Variants in HDAC7 observed in about 807,000 individuals in gnomAD.
The protein encoded by HDAC7 is histone deacetylase 7, also known as histone deacetylase 7A.
In HDAC7, 26 loss-of-function variants were observed where a neutral mutation model predicts 115.5. The observed-to-expected ratio is 0.23, with a 90% CI of 0.16 to 0.31. The LOEUF is 0.31. HDAC7 is among the 10% of genes least tolerant of loss of function. The pLI is 1.00. For synonymous variants in HDAC7, 564 were observed against 550.9 expected (o/e 1.02, Z -0.33); for missense variants, 1,068 against 1,329.0 (o/e 0.80, Z 3.05).
intron 24 of HDAC7, 120 bp downstream of exon 24, chr12:47,785,267 C>G: frequency 1.2e-6 from 1 of 818,392 alleles, no homozygotes; most frequent in Non-Finnish European, 2.0e-6. Context: ...GAATCTTACT[C>G]CAGACCAACA....
Position 47,794,820 on chromosome 12 carries a change from C to T in HDAC7, c.1398G>A (p.Arg466=). 1 of 1,613,182 alleles carries T rather than the reference C, an allele frequency of 6.2e-7. No homozygotes were observed. Among genetic ancestry groups the T allele is most frequent in the Non-Finnish European group, 8.5e-7 (1 of 1,179,906 alleles). ...GQVVDDGLEH[R]ELGHGQPEAR... ...CCTCAGGCTGCCCATGGCCCAGCTC[C>T]CTGTGCTCCAGGCCATCGTCCACCA... Residue 466 remains arginine (R), a synonymous_variant, in exon 12 of 26, where the codon AGG becomes AGA. Transcript: ENST00000080059.
At chr12:47,813,802 T>G (rs1944768922) in intron 1 of HDAC7, among the ~76,000 whole-genome samples, 1 of 152,072 alleles carries the variant, frequency 6.6e-6, no homozygotes, top group Non-Finnish European at 1.5e-5. Context: ...CTTGGCAGTG[T>G]GCAGGGGGAA....
intron 7 of HDAC7, among the ~76,000 whole-genome samples, chr12:47,796,731 T>G (rs1943871285): frequency 6.6e-6 from 1 of 152,212 alleles, no homozygotes; most frequent in Non-Finnish European, 1.5e-5. Flanking sequence ...GCCTCCTGCT[T>G]TCTTCCCATC....
intron 16 of HDAC7, 193 bp downstream of exon 16, chr12:47,791,066 G>C: frequency 1.6e-6 from 1 of 625,910 alleles, no homozygotes; most frequent in Non-Finnish European, 2.8e-6. Context: ...ATTCGGGGGA[G>C]ACTGTGGGTC....
intron 1 of HDAC7, among the ~76,000 whole-genome samples, chr12:47,810,028 C>T (rs1384871129): frequency 6.6e-6 from 1 of 152,046 alleles, no homozygotes; most frequent in African/African-American, 2.4e-5. Context: ...CTGACTGCAA[C>T]CTCTGCCTCC....
rs753949585 is a variant in HDAC7 at position 47,798,549 on chromosome 12, G to C, written c.349+13C>G. 16 of 1,611,656 alleles carry C rather than the reference G, an allele frequency of 9.9e-6. No homozygotes were observed. Among genetic ancestry groups the C allele is most frequent in the Admixed American group, 5.0e-5 (3 of 60,008 alleles). On this transcript the variant is annotated intron_variant, in intron 4 of 25. Transcript: ENST00000080059. The surrounding 1 kb of genome is among the most constrained non-coding windows in gnomAD (Gnocchi z 4.3). ...GGTGGGGCTGGGCTGGGCTGGGGTG[G>C]CCACCTCCTTACTTCGCTTGCTCTT...
Position 47,791,700 on chromosome 12 carries a change from G to C in HDAC7, c.1819C>G (p.Arg607Gly), listed in dbSNP as rs1410658868. ...TCTTCCAGGGAGGCCTTCCGGCCTC[G>C]GAGACACTGAAAAGGGGACCACAGA... ...RGLRSQCECL[R>G]GRKASLEELQ... The change falls in exon 15 of 26, where the codon CGA (arginine) becomes GGA (glycine). Residue 607 changes from arginine to glycine, a missense_variant. Arg to Gly is a moderately radical substitution (Grantham distance 125, BLOSUM62 -2). Coordinates refer to ENST00000080059, the MANE Select transcript of HDAC7 (RefSeq NM_015401.5). 1 of 1,613,588 alleles carries C rather than the reference G, an allele frequency of 6.2e-7. No homozygotes were observed. Among genetic ancestry groups the C allele is most frequent in the South Asian group, 1.1e-5 (1 of 91,054 alleles).
chr12:47,794,227 C>T (rs1190159576), intron 12 of HDAC7, among the ~76,000 whole-genome samples: 1 of 152,236 alleles, frequency 6.6e-6, no homozygotes, highest in Admixed American at 6.5e-5. Context: ...CCCTCACACT[C>T]ACAGCCCCCA....
chr12:47,800,712 G>A (rs1944124886), intron 2 of HDAC7, among the ~76,000 whole-genome samples: 1 of 152,206 alleles, frequency 6.6e-6, no homozygotes, highest in South Asian at 2.1e-4. Flanking sequence ...AGAGGGGCTT[G>A]GGGGAACCAA....
intron 7 of HDAC7, 89 bp downstream of exon 7, chr12:47,796,928 G>T (rs1346148804): frequency 9.1e-6 from 13 of 1,425,516 alleles, no homozygotes; most frequent in Non-Finnish European, 1.1e-5. Flanking sequence ...TCCTAAGGAG[G>T]GGACCCCTGT....
intron 21 of HDAC7, among the ~76,000 whole-genome samples, chr12:47,787,425 T>TA (rs1183446265): frequency 6.6e-6 from 1 of 152,136 alleles, no homozygotes; most frequent in Non-Finnish European, 1.5e-5. Context: ...TTTTCCCAAA[T>TA]AGAGTGGCAG....
intron 1 of HDAC7, among the ~76,000 whole-genome samples, chr12:47,807,516 A>G (rs944015185): frequency 2.0e-5 from 3 of 152,032 alleles, no homozygotes; most frequent in African/African-American, 7.2e-5. Context: ...AGCCCAGGCA[A>G]TTGGGCTTCA....
At chr12:47,820,203 C>T (rs1433894226), upstream of HDAC7, among the ~76,000 whole-genome samples, 1 of 151,764 alleles carries the variant, frequency 6.6e-6, no homozygotes, top group Non-Finnish European at 1.5e-5. This position sits in a 1 kb window ranked among gnomAD's most constrained non-coding sequence, Gnocchi z 4.3. Context: ...GCGCTCCGAG[C>T]CGTGCACAAT....
chr12:47,798,850 G>A lies in HDAC7; in HGVS notation c.193C>T (p.Gln65Ter). Residue 65 changes from glutamine (Q) to a stop codon, truncating the protein, a stop_gained, in exon 3 of 26, where the codon CAG becomes TAG. Coordinates refer to ENST00000080059, the MANE Select transcript of HDAC7 (RefSeq NM_015401.5). LOFTEE classifies it high-confidence loss of function. This position sits in a 1 kb window ranked among gnomAD's most constrained non-coding sequence, Gnocchi z 4.3. ...AGGAAGAGGTGGTGGTGCAGGCGCTGGGGACGCTGCAGGGCCAGCAATGTG... is the reference window on the plus strand; with the variant it reads ...AGGAAGAGGTGGTGGTGCAGGCGCTAGGGACGCTGCAGGGCCAGCAATGTG... ...EPTLLALQRPQRLHHHLFLAG... is the reference protein window; with the variant it reads ...EPTLLALQRP The A allele has an allele frequency of 6.4e-7, 1 of 1,559,698 alleles. No homozygotes were observed.
rs1257342725 is a variant in HDAC7 at position 47,797,690 on chromosome 12, G to C, written c.462-191C>G. On this transcript the variant is annotated intron_variant, in intron 5 of 25. Coordinates refer to ENST00000080059, the MANE Select transcript of HDAC7 (RefSeq NM_015401.5). The surrounding 1 kb of genome is among the most constrained non-coding windows in gnomAD (Gnocchi z 5.5). ...TGTCCGCTCCAGCAGCTATAGTGCA[G>C]AGCTCTGACCTAGGCATAGAAGCCA... is the stretch of plus-strand genomic sequence containing the variant. 6.6e-6 allele frequency among the ~76,000 whole-genome samples: 1 copy of C among 152,192 alleles called. No homozygotes were observed. Among genetic ancestry groups the C allele is most frequent in the Non-Finnish European group, 1.5e-5 (1 of 68,026 alleles).
In HDAC7 at chr12:47,798,135, T is replaced by G. The variant is rs764747956; in HGVS notation, c.434A>C (p.His145Pro). ...GTAGGGAATGCCGGGGCTGTTGGGA[T>G]GGACTGTTCTTTCTAGGGCCGCCTG... ...KQQAALERTV[H>P]PNSPGIPYRT... is the part of the protein sequence containing the mutation. Residue 145 changes from histidine (H) to proline (P), a missense_variant, in exon 5 of 26, where the codon CAT (histidine) becomes CCT (proline). His to Pro is a moderately conservative substitution (Grantham distance 77). Transcript: ENST00000080059. The surrounding 1 kb of genome is among the most constrained non-coding windows in gnomAD (Gnocchi z 4.3). 4.3e-6 allele frequency: 7 copies of G among 1,613,558 alleles called. No individual in the cohort carries two copies. The highest frequency in any genetic ancestry group is 2.7e-5 in the African/African-American group (2 of 74,760).
intron 1 of HDAC7, among the ~76,000 whole-genome samples, chr12:47,816,448 C>A (rs1052463028): frequency 1.3e-5 from 2 of 152,110 alleles, no homozygotes; most frequent in African/African-American, 4.8e-5. Flanking sequence ...TGTGCATATT[C>A]CCAAAACACC....
intron 16 of HDAC7, chr12:47,790,965 T>G: frequency 2.0e-6 from 1 of 507,504 alleles, no homozygotes; most frequent in Non-Finnish European, 3.5e-6. Flanking sequence ...AAGGGAGAGA[T>G]GATCCTAAGC....
At chr12:47,810,804 GTCTCTCTCTCTCTCTC>G (rs60132211) in intron 1 of HDAC7, among the ~76,000 whole-genome samples, 37 of 131,684 alleles carry the variant, frequency 2.8e-4, no homozygotes, top group Admixed American at 7.9e-4. Context: ...GGAGGAAAAG[GTCTCTCTCTCTCTCTC>G]TCTCTCTCTC....
Sources: gnomAD v4.1 joint callset for allele counts (sites outside exome capture counted in the v4.1 genomes callset) on GRCh38, gnomAD v4.1.1 for gene constraint, Gnocchi (gnomAD v3.1) non-coding constraint, MANE v1.5 for transcripts, NCBI Gene and HGNC (gene_info 2026-07-23, HGNC 2026-07-21) for gene names.